The following DAB1 variants were observed in gnomAD, a reference collection of about 807,000 sequenced individuals.
DAB1 encodes DAB adaptor protein 1.
Under a neutral mutation model 64.6 loss-of-function variants are expected in DAB1, and 15 were observed. The observed-to-expected ratio is 0.23, with a 90% CI of 0.16 to 0.36. The LOEUF (loss-of-function observed/expected upper bound fraction) is 0.36. Among genes scored for constraint, DAB1 ranks in the 10% least tolerant of loss-of-function variants. The pLI, the probability that DAB1 is intolerant of heterozygous loss-of-function variation, is 1.00. For missense variants in DAB1, 596 were observed against 706.7 expected, an observed-to-expected ratio of 0.84 and a Z score of 1.78; for synonymous variants, 235 against 251.9, an observed-to-expected ratio of 0.93 and a Z score of 0.64.
At chr1:58,312,638 C>T (rs984678113) in intron 4 of DAB1, among the ~76,000 whole-genome samples, 9 of 152,188 alleles carry the variant, frequency 5.9e-5, no homozygotes, top group African/African-American at 2.2e-4. Context: ...CAAAGGGTGT[C>T]ATTTGCAACT....
chr1:57,910,181 T>C (rs1644619806), intron 5 of DAB1, among the ~76,000 whole-genome samples: 1 of 152,194 alleles, frequency 6.6e-6, no homozygotes, highest in Non-Finnish European at 1.5e-5. Flanking sequence ...CACTTGTCTG[T>C]TTCCTTCTGC....
chr1:57,580,910 T>C (rs1207729257), intron 7 of DAB1, among the ~76,000 whole-genome samples: 2 of 152,216 alleles, frequency 1.3e-5, no homozygotes, highest in African/African-American at 4.8e-5. Context: ...GGCACTGGAA[T>C]GCAGGGCTGC....
At chr1:57,257,578 C>A (rs770842194) in intron 2 of DAB1, among the ~76,000 whole-genome samples, 1 of 152,134 alleles carries the variant, frequency 6.6e-6, no homozygotes, top group Non-Finnish European at 1.5e-5. Flanking sequence ...CAGGTCATTT[C>A]TCTTTCTATT....
intron 4 of DAB1, among the ~76,000 whole-genome samples, chr1:57,125,446 A>G (rs1177939072): frequency 6.6e-6 from 1 of 152,180 alleles, no homozygotes; most frequent in Non-Finnish European, 1.5e-5. Flanking sequence ...TACTTCTTCT[A>G]TAGCAGGTTA....
intron 5 of DAB1, among the ~76,000 whole-genome samples, chr1:58,008,071 C>T (rs1348790049): frequency 6.6e-6 from 1 of 152,120 alleles, no homozygotes; most frequent in Non-Finnish European, 1.5e-5. Context: ...GCATGGAATA[C>T]CTACTATTAC....
At chr1:57,456,593 G>T (rs1230639462) in intron 7 of DAB1, among the ~76,000 whole-genome samples, 1 of 152,112 alleles carries the variant, frequency 6.6e-6, no homozygotes, top group African/African-American at 2.4e-5. Context: ...GTTGGAGGAA[G>T]CTTCTCTCAA....
intron 14 of DAB1, among the ~76,000 whole-genome samples, chr1:57,007,550 A>T (rs1646119631): frequency 6.6e-6 from 1 of 152,144 alleles, no homozygotes; most frequent in Admixed American, 6.5e-5. Context: ...ACTTTCCTTT[A>T]TTGCTAAAAC....
At chr1:57,311,733 C>G (rs191770276) in intron 1 of DAB1, among the ~76,000 whole-genome samples, 3 of 152,164 alleles carry the variant, frequency 2.0e-5, no homozygotes, top group Non-Finnish European at 4.4e-5. Context: ...AATCTATATC[C>G]AGGCAAAGGT....
intron 9 of DAB1, among the ~76,000 whole-genome samples, chr1:57,061,614 G>T (rs1557651590): frequency 6.6e-6 from 1 of 152,210 alleles, no homozygotes; most frequent in East Asian, 1.9e-4. Flanking sequence ...ACTGGTCTCA[G>T]TTCCAGGACT....
intron 2 of DAB1, among the ~76,000 whole-genome samples, chr1:57,204,786 C>T (rs1009866682): frequency 6.6e-6 from 1 of 152,218 alleles, no homozygotes; most frequent in Non-Finnish European, 1.5e-5. Context: ...GTGATTATGG[C>T]TGAAGTGCTA....
At chr1:57,536,086 G>T (rs1298706579) in intron 7 of DAB1, among the ~76,000 whole-genome samples, 1 of 152,152 alleles carries the variant, frequency 6.6e-6, no homozygotes, top group Non-Finnish European at 1.5e-5. Flanking sequence ...AGCTAGGCCT[G>T]TCCTCCTTTG....
chr1:57,850,603 T>C lies in DAB1; in HGVS notation n.88-24148A>G, dbSNP rs114566361. 3.0e-3 allele frequency among the ~76,000 whole-genome samples: 451 copies of C among 152,282 alleles called. 1 individual carries two copies. The highest frequency in any genetic ancestry group is 4.9e-3 in the Non-Finnish European group (336 of 68,010). On this transcript the variant is annotated intron_variant and non_coding_transcript_variant, in intron 1 of 1. Coordinates refer to the DAB1 transcript ENST00000477280. Reference sequence around the variant, plus strand: ...ATTAGTCGCTGTGGCTCCCCTCCCATGTCCTGTGGAGTGGCCTGTGGGCTC... The same window carrying C: ...ATTAGTCGCTGTGGCTCCCCTCCCACGTCCTGTGGAGTGGCCTGTGGGCTC...
chr1:58,479,235 T>C (rs1645449014), intron 3 of DAB1, among the ~76,000 whole-genome samples: 1 of 152,216 alleles, frequency 6.6e-6, no homozygotes, highest in South Asian at 2.1e-4. Flanking sequence ...TTAGGTGACA[T>C]TCTCCAAGTG....
At position 58,421,054 on chromosome 1, in the gene DAB1, C is replaced by T. The variant is rs144915474; in HGVS notation, n.258-77651G>A. On this transcript the variant is annotated intron_variant and non_coding_transcript_variant, in intron 3 of 20. Coordinates refer to the DAB1 transcript ENST00000485760. ...GATGTTAACTCTTATTTCCAGATCACACAACCCCCAGGCCACCTCTAACAT... is the reference window on the plus strand; with the variant it reads ...GATGTTAACTCTTATTTCCAGATCATACAACCCCCAGGCCACCTCTAACAT... Among the ~76,000 whole-genome samples, 16 of 152,316 alleles carry T rather than the reference C, an allele frequency of 1.1e-4. No individual in the cohort carries two copies. The East Asian group carries it at 3.1e-3, about 29-fold the overall frequency.
intron 1 of DAB1, among the ~76,000 whole-genome samples, chr1:57,865,804 G>A (rs1326398808): frequency 6.6e-6 from 1 of 152,180 alleles, no homozygotes; most frequent in African/African-American, 2.4e-5. Flanking sequence ...ACTTGGCCAG[G>A]TTATTTAAAC....
chr1:58,104,692 G>A (rs894129136), intron 5 of DAB1, among the ~76,000 whole-genome samples: 1 of 152,148 alleles, frequency 6.6e-6, no homozygotes, highest in Non-Finnish European at 1.5e-5. Context: ...AGGGAATTAT[G>A]AGGGAGACAG....
intron 7 of DAB1, among the ~76,000 whole-genome samples, chr1:57,475,749 C>T (rs1399393685): frequency 6.6e-6 from 1 of 152,224 alleles, no homozygotes; most frequent in Non-Finnish European, 1.5e-5. Flanking sequence ...CAACGCCATC[C>T]TCTAAATACC....
chr1:58,544,182 T>C (rs1315994604), intron 1 of DAB1, among the ~76,000 whole-genome samples: 1 of 152,244 alleles, frequency 6.6e-6, no homozygotes, highest in Non-Finnish European at 1.5e-5. Flanking sequence ...AATTTTTAAA[T>C]GTTGGCAATG....
At chr1:57,806,509 TA>T (rs1048352352) in intron 6 of DAB1, among the ~76,000 whole-genome samples, 2 of 152,270 alleles carry the variant, frequency 1.3e-5, no homozygotes, top group African/African-American at 4.8e-5. Flanking sequence ...CCCCAGAAGC[TA>T]GGGGGAAGGC....
Sources: allele counts gnomAD v4.1 joint callset (sites outside exome capture counted in the v4.1 genomes callset), GRCh38; gene constraint gnomAD v4.1.1; transcripts MANE v1.5; gene names NCBI Gene and HGNC (gene_info 2026-07-23, HGNC 2026-07-21).